ZCWPW2: variants seen among roughly 807,000 people sequenced by gnomAD.
ZCWPW2 encodes zinc finger CW-type PWWP domain protein 2.
A neutral mutation model predicts 46.6 loss-of-function variants in ZCWPW2; 45 were observed. The observed-to-expected ratio is 0.96, with a 90% CI of 0.76 to 1.24. The LOEUF (loss-of-function observed/expected upper bound fraction) is 1.24. ZCWPW2 is among the 50% of genes most tolerant of loss of function. ZCWPW2 has a pLI of 0.00. For missense variants in ZCWPW2, 429 were observed against 403.9 expected (o/e 1.06, Z -0.53); for synonymous variants, 152 against 137.1 (o/e 1.11, Z -0.76).
intron 4 of ZCWPW2, among the ~76,000 whole-genome samples, chr3:28,459,375 A>G (rs1043826921): frequency 1.2e-4 from 17 of 146,958 alleles, no homozygotes; most frequent in South Asian, 2.1e-4. Context: ...GTCTCCAAAG[A>G]AAAAAAAAAA....
intron 6 of ZCWPW2, among the ~76,000 whole-genome samples, chr3:28,504,251 C>T (rs528243763): frequency 6.6e-6 from 1 of 152,010 alleles, no homozygotes; most frequent in Non-Finnish European, 1.5e-5. Context: ...AAATAATTTG[C>T]CGTATCATGA....
intron 6 of ZCWPW2, among the ~76,000 whole-genome samples, chr3:28,513,729 G>A (rs1372796971): frequency 6.6e-6 from 1 of 151,140 alleles, no homozygotes; most frequent in Admixed American, 6.6e-5. Flanking sequence ...TCTGGCATTT[G>A]ATTTTTTTTT....
At chr3:28,369,025 C>T (rs1705219726) in intron 1 of ZCWPW2, among the ~76,000 whole-genome samples, 1 of 152,104 alleles carries the variant, frequency 6.6e-6, no homozygotes, top group Non-Finnish European at 1.5e-5. Flanking sequence ...CCTTTAAGGA[C>T]TTCTCTGCAT....
intron 6 of ZCWPW2, among the ~76,000 whole-genome samples, chr3:28,502,794 G>C (rs1700183450): frequency 6.6e-6 from 1 of 152,138 alleles, no homozygotes; most frequent in South Asian, 2.1e-4. Flanking sequence ...GAGGGGTATA[G>C]TGATGCCTTC....
At chr3:28,496,124 A>C (rs181388405) in intron 6 of ZCWPW2, among the ~76,000 whole-genome samples, 2 of 152,154 alleles carry the variant, frequency 1.3e-5, no homozygotes, top group Admixed American at 1.3e-4. Context: ...ATTATCGACT[A>C]TTTTACTGAA....
intron 1 of ZCWPW2, among the ~76,000 whole-genome samples, chr3:28,384,341 TA>T: frequency 6.6e-6 from 1 of 152,288 alleles, no homozygotes; most frequent in East Asian, 1.9e-4. Context: ...GCTTTTATAC[TA>T]AATAAAATTA....
intron 8 of ZCWPW2, among the ~76,000 whole-genome samples, chr3:28,516,253 C>CTAAA (rs1559536883): frequency 8.0e-6 from 1 of 125,608 alleles, no homozygotes; most frequent in African/African-American, 3.1e-5. Flanking sequence ...AAGATTCCCT[C>CTAAA]TCAATAAATA....
At chr3:28,478,349 T>C in intron 4 of ZCWPW2, 1 of 288,578 alleles carries the variant, frequency 3.5e-6, no homozygotes, top group Non-Finnish European at 7.4e-6. Flanking sequence ...GTTCAAGCAG[T>C]TCTCCTACCT....
At chr3:28,490,675 G>A (rs1004502894) in intron 5 of ZCWPW2, among the ~76,000 whole-genome samples, 5 of 152,018 alleles carry the variant, frequency 3.3e-5, no homozygotes, top group Admixed American at 1.3e-4. Flanking sequence ...CGTGAGGGTG[G>A]AGGGTGGAAA....
rs564569902 is a variant in ZCWPW2 at position 28,484,063 on chromosome 3, G to A, written c.610+5132G>A. On this transcript the variant is annotated intron_variant, in intron 5 of 9. Coordinates refer to ENST00000383768, the MANE Select transcript of ZCWPW2 (RefSeq NM_001040432.4). Reference sequence around the variant, plus strand: ...AACCCTTGACTTGTTCTTCATCTTAGCATGACAGCTTCTAGTTTGTTACCA... The same window carrying A: ...AACCCTTGACTTGTTCTTCATCTTAACATGACAGCTTCTAGTTTGTTACCA... Among the ~76,000 whole-genome samples, 30 of 152,194 alleles carry A rather than the reference G, an allele frequency of 2.0e-4. 1 individual carries two copies. The South Asian group carries it at 5.8e-3, about 29-fold the overall frequency.
intron 4 of ZCWPW2, among the ~76,000 whole-genome samples, chr3:28,473,976 T>C (rs897526954): frequency 2.0e-5 from 3 of 152,182 alleles, no homozygotes; most frequent in African/African-American, 7.2e-5. Context: ...AGGGTGACTA[T>C]AGTTAAAAAT....
intron 3 of ZCWPW2, among the ~76,000 whole-genome samples, chr3:28,416,853 C>T: frequency 8.3e-6 from 1 of 121,014 alleles, no homozygotes; most frequent in Non-Finnish European, 1.7e-5. Context: ...GCCTTGCATC[C>T]CAGGGATGAA....
At chr3:28,349,696 C>T (rs1375862517) in intron 1 of ZCWPW2, among the ~76,000 whole-genome samples, 1 of 152,114 alleles carries the variant, frequency 6.6e-6, no homozygotes, top group Non-Finnish European at 1.5e-5. Flanking sequence ...GGTGGAACCC[C>T]TGTAACTCTA....
rs532760231 is a variant in ZCWPW2 at position 28,404,047 on chromosome 3, A to G, written c.-13-9009A>G. 8.0e-4 allele frequency among the ~76,000 whole-genome samples: 122 copies of G among 152,328 alleles called. 1 individual carries two copies. Among genetic ancestry groups the G allele is most frequent in the Middle Eastern group, 3.4e-3 (1 of 294 alleles). ...ATAAAAACAAAGACAAATAGCTGGG[A>G]CTTAATTAAAGAGCTTTTGTATGGC... On this transcript the variant is annotated intron_variant, in intron 2 of 9. Coordinates refer to ENST00000383768, the MANE Select transcript of ZCWPW2 (RefSeq NM_001040432.4).
In ZCWPW2 at chr3:28,524,820, C is replaced by T. The variant is rs1700811109; in HGVS notation, c.*132C>T. Reference sequence around the variant, plus strand: ...AGTTTATATTTGCGGTAACTTTCTACTTCATATTTTGAGAATGGCCATGAT... The same window carrying T: ...AGTTTATATTTGCGGTAACTTTCTATTTCATATTTTGAGAATGGCCATGAT... On this transcript the variant is annotated 3_prime_UTR_variant, in exon 10 of 10. Transcript: ENST00000383768. The T allele has an allele frequency of 3.9e-6, 3 of 766,930 alleles. No homozygotes were observed. The South Asian group carries it at 1.4e-4, about 36-fold the overall frequency. The allele number at this position is 766,930 out of a possible 1,614,324, so 47.5% of individuals were successfully genotyped here.
At chr3:28,462,990 A>C (rs1432531806) in intron 4 of ZCWPW2, among the ~76,000 whole-genome samples, 2 of 152,130 alleles carry the variant, frequency 1.3e-5, no homozygotes, top group Non-Finnish European at 2.9e-5. Context: ...TGGTTTACAA[A>C]CTTTTCACTT....
intron 1 of ZCWPW2, among the ~76,000 whole-genome samples, chr3:28,378,575 A>C (rs370190535): frequency 6.6e-6 from 1 of 152,114 alleles, no homozygotes; most frequent in African/African-American, 2.4e-5. Flanking sequence ...AGATCATTTA[A>C]CTGACTTGCC....
In ZCWPW2 at chr3:28,524,777, A is replaced by G. The variant is rs1700810189; in HGVS notation, c.*89A>G. Reference sequence around the variant, plus strand: ...AAACTTTAAAAATGTTTAGTGAAATAGGTATAAATTATACCAAAGTTTATA... The same window carrying G: ...AAACTTTAAAAATGTTTAGTGAAATGGGTATAAATTATACCAAAGTTTATA... On this transcript the variant is annotated 3_prime_UTR_variant, in exon 10 of 10. Coordinates refer to ENST00000383768, the MANE Select transcript of ZCWPW2 (RefSeq NM_001040432.4). The G allele has an allele frequency of 8.8e-7, 1 of 1,141,076 alleles. No individual in the cohort carries two copies. Among genetic ancestry groups the G allele is most frequent in the Non-Finnish European group, 1.2e-6 (1 of 862,160 alleles). 70.7% of individuals were successfully genotyped at this position (1,141,076 alleles called of 1,614,324 possible).
At chr3:28,381,595 G>T (rs1358436114) in intron 1 of ZCWPW2, among the ~76,000 whole-genome samples, 1 of 152,040 alleles carries the variant, frequency 6.6e-6, no homozygotes, top group Non-Finnish European at 1.5e-5. Context: ...CCACCAGCCT[G>T]GGTGACACAG....
Sources: gnomAD v4.1 joint callset for allele counts (sites outside exome capture counted in the v4.1 genomes callset) on GRCh38, gnomAD v4.1.1 for gene constraint, MANE v1.5 for transcripts, NCBI Gene and HGNC (gene_info 2026-07-23, HGNC 2026-07-21) for gene names.